PDE5A: variants seen among roughly 807,000 people sequenced by gnomAD.
PDE5A encodes cGMP-specific 3',5'-cyclic phosphodiesterase.
A neutral mutation model predicts 110.2 loss-of-function variants in PDE5A; 67 were observed. That is an observed-to-expected ratio of 0.61 (90% CI 0.50 to 0.75). PDE5A has a LOEUF of 0.75. Among genes scored for constraint, PDE5A ranks in the 30% least tolerant of loss-of-function variants. The pLI is 0.00. For missense variants in PDE5A, 862 were observed against 1,045.1 expected, an observed-to-expected ratio of 0.82 and a Z score of 2.42; for synonymous variants, 328 against 351.2, an observed-to-expected ratio of 0.93 and a Z score of 0.74.
chr4:119,601,739 G>A (rs745368231), intron 2 of PDE5A, among the ~76,000 whole-genome samples: 3 of 152,074 alleles, frequency 2.0e-5, no homozygotes, highest in Non-Finnish European at 4.4e-5. Flanking sequence ...AACTCCATGA[G>A]GTTAAGAATC....
chr4:119,560,564 C>T (rs918240083), intron 6 of PDE5A, among the ~76,000 whole-genome samples: 2 of 152,132 alleles, frequency 1.3e-5, no homozygotes, highest in East Asian at 1.9e-4. Flanking sequence ...ATAAAAGTTT[C>T]GTTCATATAA....
intron 1 of PDE5A, among the ~76,000 whole-genome samples, chr4:119,611,769 G>A (rs1729756547): frequency 6.6e-6 from 1 of 152,338 alleles, no homozygotes; most frequent in Non-Finnish European, 1.5e-5. Flanking sequence ...GGGAAAGAGA[G>A]TTCTCATGAC....
intron 3 of PDE5A, among the ~76,000 whole-genome samples, chr4:119,576,065 C>T (rs1219216597): frequency 6.6e-6 from 1 of 152,048 alleles, no homozygotes; most frequent in East Asian, 1.9e-4. Flanking sequence ...GATTTTAAAC[C>T]AACAAAGATC....
At chr4:119,566,126 C>A (rs1727924930) in intron 4 of PDE5A, among the ~76,000 whole-genome samples, 1 of 151,932 alleles carries the variant, frequency 6.6e-6, no homozygotes, top group African/African-American at 2.4e-5. Flanking sequence ...CAAAGCCAAT[C>A]CAGGAACCAT....
chr4:119,568,319 A>G (rs1034483982), intron 3 of PDE5A, among the ~76,000 whole-genome samples: 2 of 152,154 alleles, frequency 1.3e-5, no homozygotes, highest in Non-Finnish European at 2.9e-5. Flanking sequence ...CTAAATTTCT[A>G]GTAAAATTCC....
At chr4:119,552,278 C>A (rs751789541) in intron 9 of PDE5A, among the ~76,000 whole-genome samples, 20 of 152,114 alleles carry the variant, frequency 1.3e-4, no homozygotes, top group Non-Finnish European at 2.1e-4. Context: ...TACTTAATAT[C>A]TCTTATACAG....
At chr4:119,567,745 G>C (rs1360121751) in intron 3 of PDE5A, among the ~76,000 whole-genome samples, 2 of 152,006 alleles carry the variant, frequency 1.3e-5, no homozygotes, top group African/African-American at 4.8e-5. Flanking sequence ...ATCAAAACAG[G>C]AATTAACATG....
At chr4:119,539,993 T>C (rs1349006626) in intron 10 of PDE5A, among the ~76,000 whole-genome samples, 2 of 152,058 alleles carry the variant, frequency 1.3e-5, no homozygotes, top group Non-Finnish European at 2.9e-5. Flanking sequence ...AAATGCAAAA[T>C]ACAAAACACT....
At chr4:119,566,934 T>G (rs145162823) in intron 4 of PDE5A, 139 bp downstream of exon 4, 64 of 677,778 alleles carry the variant, frequency 9.4e-5, no homozygotes, top group African/African-American at 7.1e-4. Context: ...TAAGATACAC[T>G]TGAACATTTC....
At chr4:119,560,148 G>T in intron 7 of PDE5A, 148 bp downstream of exon 7, 1 of 497,996 alleles carries the variant, frequency 2.0e-6, no homozygotes. Flanking sequence ...CTTGATGGAG[G>T]ACGACTTAGG....
intron 1 of PDE5A, among the ~76,000 whole-genome samples, chr4:119,625,897 T>C (rs896229730): frequency 8.5e-5 from 13 of 152,152 alleles, no homozygotes; most frequent in African/African-American, 1.9e-4. Flanking sequence ...TAAAACCAAA[T>C]TGGAATATTG....
intron 7 of PDE5A, among the ~76,000 whole-genome samples, chr4:119,557,460 A>G (rs1282631913): frequency 1.3e-5 from 2 of 152,186 alleles, no homozygotes; most frequent in South Asian, 2.1e-4. Flanking sequence ...ATGTGTATCA[A>G]TGAACTGTAT....
chr4:119,582,499 T>G (rs147944178), intron 3 of PDE5A, among the ~76,000 whole-genome samples: 64 of 152,334 alleles, frequency 4.2e-4, no homozygotes, highest in African/African-American at 1.4e-3. Flanking sequence ...TTCATGTTGA[T>G]AATTTGACCT....
At chr4:119,578,176 T>C (rs997220686) in intron 3 of PDE5A, among the ~76,000 whole-genome samples, 3 of 151,830 alleles carry the variant, frequency 2.0e-5, no homozygotes, top group African/African-American at 7.3e-5. Flanking sequence ...CACTGCTCAA[T>C]GAAATAAAAG....
chr4:119,513,124 A>C (rs994724825), intron 14 of PDE5A, among the ~76,000 whole-genome samples: 2 of 152,102 alleles, frequency 1.3e-5, no homozygotes, highest in African/African-American at 4.8e-5. Context: ...AACAGACTTC[A>C]TGCAAGTACC....
intron 9 of PDE5A, among the ~76,000 whole-genome samples, chr4:119,552,203 C>T (rs1425049869): frequency 6.6e-6 from 1 of 152,022 alleles, no homozygotes; most frequent in African/African-American, 2.4e-5. Context: ...AACCTATAAC[C>T]TAAACTACAT....
rs1227134338 is a variant in PDE5A, at chr4:119,496,104, A to C, written c.*2497T>G. 6.6e-6 allele frequency: 1 copy of C among 152,156 alleles called. No individual in the cohort carries two copies. The highest frequency in any genetic ancestry group is 2.4e-5 in the African/African-American group (1 of 41,464). 9.4% of individuals were successfully genotyped at this position (152,156 alleles called of 1,614,324 possible). On this transcript the variant is annotated 3_prime_UTR_variant, in exon 21 of 21. Transcript: ENST00000354960. ...CTACTGAAAAATATAAGGCCAGGCAATTATATAGATATCTTTTAACAAGTT... is the reference window on the plus strand; with the variant it reads ...CTACTGAAAAATATAAGGCCAGGCACTTATATAGATATCTTTTAACAAGTT...
intron 3 of PDE5A, among the ~76,000 whole-genome samples, chr4:119,568,792 T>C (rs1365797348): frequency 1.3e-5 from 2 of 152,220 alleles, no homozygotes; most frequent in African/African-American, 4.8e-5. Context: ...GAAAGTATTA[T>C]GCAAAGTTTC....
At chr4:119,503,114 A>C (rs1431855498) in intron 18 of PDE5A, among the ~76,000 whole-genome samples, 11 of 152,116 alleles carry the variant, frequency 7.2e-5, no homozygotes, top group Non-Finnish European at 4.4e-5. Flanking sequence ...GCTTTGGCAC[A>C]TGGAGAATGA....
Sources: allele counts gnomAD v4.1 joint callset (sites outside exome capture counted in the v4.1 genomes callset), GRCh38; gene constraint gnomAD v4.1.1; transcripts MANE v1.5; gene names NCBI Gene and HGNC (gene_info 2026-07-23, HGNC 2026-07-21).